Variants in CLVS1 observed in about 807,000 individuals in gnomAD.
The protein encoded by CLVS1 is clavesin 1, also known as clavesin-1.
A neutral mutation model predicts 33.1 loss-of-function variants in CLVS1; 10 were observed. The ratio of observed to expected loss-of-function variants is 0.30; its 90% confidence interval spans 0.19 to 0.51. CLVS1 has a LOEUF of 0.51. Among genes scored for constraint, CLVS1 ranks in the 20% least tolerant of loss-of-function variants. The pLI is 0.97. For synonymous variants in CLVS1, 163 were observed against 166.1 expected (o/e 0.98, Z 0.14); for missense variants, 343 against 433.4 (o/e 0.79, Z 1.85).
intron 2 of CLVS1, among the ~76,000 whole-genome samples, chr8:61,305,625 G>A (rs1427154799): frequency 1.3e-5 from 2 of 152,054 alleles, no homozygotes; most frequent in East Asian, 3.9e-4. Flanking sequence ...TTGTGTCATG[G>A]GGTTTTTTTT....
rs994077568 is a variant in CLVS1 at position 61,386,771 on chromosome 8, T to C, written c.630+9992T>C. Among the ~76,000 whole-genome samples, 5 of 152,286 alleles carry C rather than the reference T, an allele frequency of 3.3e-5. No homozygotes were observed. The South Asian group carries it at 1.0e-3, about 32-fold the overall frequency. The stretch of plus-strand genomic sequence containing the variant: ...ATGCTGCTGATGATGGTAATGATGA[T>C]CATGATGATGATAGCAGTGATGGTA... On this transcript the variant is annotated intron_variant, in intron 3 of 5. Coordinates refer to ENST00000325897, the MANE Select transcript of CLVS1 (RefSeq NM_173519.3).
At chr8:61,032,927 C>G in the CLVS1 span, among the ~76,000 whole-genome samples, 1 of 145,324 alleles carries the variant, frequency 6.9e-6, no homozygotes, top group Non-Finnish European at 1.5e-5. Context: ...TTGAGACCAG[C>G]TTGGACAACA....
the CLVS1 span, among the ~76,000 whole-genome samples, chr8:60,972,217 G>T: frequency 6.6e-6 from 1 of 152,074 alleles, no homozygotes; most frequent in East Asian, 1.9e-4. Context: ...TCTCAGTGTG[G>T]TCATGAAACT....
chr8:61,231,131 G>A (rs1056431561), intron 2 of CLVS1, among the ~76,000 whole-genome samples: 2 of 152,148 alleles, frequency 1.3e-5, no homozygotes, highest in African/African-American at 4.8e-5. Flanking sequence ...GCACGACTCA[G>A]GGAGGCTGAC....
intron 2 of CLVS1, among the ~76,000 whole-genome samples, chr8:61,357,757 C>G (rs1376976716): frequency 6.6e-6 from 1 of 151,910 alleles, no homozygotes; most frequent in East Asian, 1.9e-4. Flanking sequence ...GTCTTCAACT[C>G]TGTTGGCCAA....
At position 61,430,217 on chromosome 8, in the gene CLVS1, T is replaced by C. The variant is rs1455152270; in HGVS notation, c.631-23924T>C. On this transcript the variant is annotated intron_variant, in intron 3 of 5. Transcript: ENST00000325897. ...GTCTATATACCTATCAAAAATCTTT[T>C]GCAGACACCTTTATGAATCATAGAT... Among the ~76,000 whole-genome samples the C allele has an allele frequency of 1.3e-5, 2 of 152,210 alleles. 1 individual carries two copies. Among genetic ancestry groups the C allele is most frequent in the Non-Finnish European group, 2.9e-5 (2 of 68,034 alleles).
chr8:61,288,221 G>A, intron 1 of CLVS1, 83 bp downstream of exon 1: 1 of 456,296 alleles, frequency 2.2e-6, no homozygotes, highest in Admixed American at 2.3e-5. Context: ...TGGCTGCGGC[G>A]TTTCAGCACT....
At chr8:61,150,101 GGTGT>G (rs10653874) in intron 2 of CLVS1, among the ~76,000 whole-genome samples, 5 of 146,552 alleles carry the variant, frequency 3.4e-5, no homozygotes, top group South Asian at 4.4e-4. Context: ...ATTTGAGAAA[GGTGT>G]GTGTGTGTGT....
chr8:61,144,094 A>G (rs1446164213), intron 2 of CLVS1, among the ~76,000 whole-genome samples: 1 of 151,942 alleles, frequency 6.6e-6, no homozygotes, highest in Non-Finnish European at 1.5e-5. Context: ...ATACATGTGC[A>G]GAACGTGCAG....
chr8:61,310,125 C>T (rs1423737624), intron 2 of CLVS1, among the ~76,000 whole-genome samples: 2 of 152,112 alleles, frequency 1.3e-5, no homozygotes, highest in African/African-American at 4.8e-5. Flanking sequence ...TTAAGAGAAA[C>T]CCAAGAAAAG....
At chr8:61,177,157 A>T (rs1183512578) in intron 2 of CLVS1, among the ~76,000 whole-genome samples, 1 of 152,178 alleles carries the variant, frequency 6.6e-6, no homozygotes, top group Non-Finnish European at 1.5e-5. Flanking sequence ...GGAGCCAAGG[A>T]TAATGGACCT....
intron 3 of CLVS1, among the ~76,000 whole-genome samples, chr8:61,446,932 T>G (rs1461274019): frequency 6.6e-6 from 1 of 152,130 alleles, no homozygotes; most frequent in Non-Finnish European, 1.5e-5. Flanking sequence ...TCTAGTTTGA[T>G]TCCATTATAA....
intron 5 of CLVS1, among the ~76,000 whole-genome samples, chr8:61,479,932 A>C (rs2101709): frequency 1.3e-5 from 2 of 151,790 alleles, no homozygotes; most frequent in Non-Finnish European, 1.5e-5. Context: ...CTGCCTGATC[A>C]TTCCCCTGGA....
At position 61,233,915 on chromosome 8, in the gene CLVS1, A is replaced by C. The variant is rs1808498809; in HGVS notation, c.-151-65762A>C. Among the ~76,000 whole-genome samples the C allele has an allele frequency of 2.6e-5, 4 of 152,240 alleles. No individual in the cohort carries two copies. The South Asian group carries it at 8.3e-4, about 32-fold the overall frequency. The stretch of plus-strand genomic sequence containing the variant: ...CCCAGCCTCTTGTCTCCGCACATCC[A>C]GTGTTTGGCTTGGTTTTCTTGGAGA... On this transcript the variant is annotated intron_variant, in intron 2 of 2. Coordinates refer to the CLVS1 transcript ENST00000522621.
intron 3 of CLVS1, among the ~76,000 whole-genome samples, chr8:61,446,748 A>G (rs1314910824): frequency 6.6e-6 from 1 of 152,132 alleles, no homozygotes; most frequent in Non-Finnish European, 1.5e-5. Context: ...ATGAGTTTCA[A>G]GGGAGAAAAA....
At chr8:61,173,675 A>G (rs2129299003) in intron 2 of CLVS1, among the ~76,000 whole-genome samples, 1 of 152,306 alleles carries the variant, frequency 6.6e-6, no homozygotes, top group Middle Eastern at 3.4e-3. Context: ...ACAGGCTAAG[A>G]GAAAAGGGGA....
rs554047609 is a variant in CLVS1, at chr8:61,500,499, C to T, written c.*957C>T. 7.2e-5 allele frequency: 11 copies of T among 152,254 alleles called. No homozygotes were observed. In the East Asian group the frequency reaches 1.5e-3, roughly 21 times the overall value. The allele number at this position is 152,254 out of a possible 1,614,324, so 9.4% of individuals were successfully genotyped here. ...TAAATATTCAATCATGGAGCATGACCCATATGGATGGCTAAATATGCAAGT... is the reference window on the plus strand; with the variant it reads ...TAAATATTCAATCATGGAGCATGACTCATATGGATGGCTAAATATGCAAGT... On this transcript the variant is annotated 3_prime_UTR_variant, in exon 6 of 6. Transcript: ENST00000325897.
intron 3 of CLVS1, among the ~76,000 whole-genome samples, chr8:61,410,214 A>G (rs944289449): frequency 1.3e-5 from 2 of 152,008 alleles, no homozygotes; most frequent in African/African-American, 2.4e-5. Flanking sequence ...GCAGTTTATC[A>G]TACTGTACAG....
the CLVS1 span, among the ~76,000 whole-genome samples, chr8:61,032,036 T>C: frequency 3.9e-5 from 6 of 152,188 alleles, no homozygotes; most frequent in Non-Finnish European, 7.3e-5. Flanking sequence ...AGGATCTTCA[T>C]GTAAGTTCAG....
Sources: allele counts gnomAD v4.1 joint callset (sites outside exome capture counted in the v4.1 genomes callset), GRCh38; gene constraint gnomAD v4.1.1; transcripts MANE v1.5; gene names NCBI Gene and HGNC (gene_info 2026-07-23, HGNC 2026-07-21).